The following NSUN6 variants were observed in gnomAD, a reference collection of about 807,000 sequenced individuals.
The protein encoded by NSUN6 is NOP2/Sun RNA methyltransferase 6, also known as tRNA (cytosine(72)-C(5))-methyltransferase NSUN6.
A neutral mutation model predicts 58.0 loss-of-function variants in NSUN6; 64 were observed. The observed-to-expected ratio is 1.10, with a 90% CI of 0.90 to 1.36. NSUN6 has a LOEUF of 1.36. Among genes scored for constraint, NSUN6 ranks in the 40% most tolerant of loss-of-function variants. The pLI, the probability that NSUN6 is intolerant of heterozygous loss-of-function variation, is 0.00. For synonymous variants in NSUN6, 231 were observed against 193.9 expected (o/e 1.19, Z -1.59); for missense variants, 701 against 550.1 (o/e 1.27, Z -2.74).
chr10:18,636,668 C>T (rs921098493), intron 3 of NSUN6, among the ~76,000 whole-genome samples: 3 of 151,542 alleles, frequency 2.0e-5, no homozygotes, highest in African/African-American at 7.3e-5. Context: ...TGGAGGCGGG[C>T]AGATCACAAG....
intron 6 of NSUN6, among the ~76,000 whole-genome samples, chr10:18,603,380 A>C (rs1349634313): frequency 6.6e-6 from 1 of 152,236 alleles, no homozygotes; most frequent in East Asian, 1.9e-4. Flanking sequence ...TAAGAAAGTA[A>C]ATAAGATCTC....
intron 3 of NSUN6, among the ~76,000 whole-genome samples, chr10:18,623,979 G>A (rs1163477185): frequency 6.6e-6 from 1 of 152,082 alleles, no homozygotes; most frequent in African/African-American, 2.4e-5. Flanking sequence ...GGATGTAACT[G>A]TTTCCATTCA....
At chr10:18,626,926 C>T (rs910890016) in intron 3 of NSUN6, among the ~76,000 whole-genome samples, 5 of 152,180 alleles carry the variant, frequency 3.3e-5, no homozygotes, top group African/African-American at 7.2e-5. Flanking sequence ...TATTTTAAGA[C>T]TTTTATCAAA....
chr10:18,568,556 T>C (rs2056132986), intron 8 of NSUN6, among the ~76,000 whole-genome samples: 1 of 150,912 alleles, frequency 6.6e-6, no homozygotes, highest in Non-Finnish European at 1.5e-5. Flanking sequence ...CAATCCATTC[T>C]CCTTTCCATT....
At position 18,551,937 on chromosome 10, in the gene NSUN6, T is replaced by G. The variant is rs146003622; in HGVS notation, c.957A>C (p.Arg319=). 1.2e-6 allele frequency: 2 copies of G among 1,608,642 alleles called. No homozygotes were observed. The highest frequency in any genetic ancestry group is 1.7e-6 in the Non-Finnish European group (2 of 1,175,638). The change falls in exon 9 of 11, where the codon CGA becomes CGC. Residue 319 remains arginine (R), a synonymous_variant. Coordinates refer to ENST00000377304, the MANE Select transcript of NSUN6 (RefSeq NM_182543.5). ...CACTACAGGGTGCATCCAGAAGAAT[T>G]CGGTCAAAGGATTCTGGTAGAAATG... ...EPPFLPESFD[R]ILLDAPCSGM... is the part of the protein sequence containing the mutation.
In NSUN6 at chr10:18,548,145, C is replaced by T. The variant is rs755410958; in HGVS notation, c.1164G>A (p.Leu388=). 1.2e-6 allele frequency: 2 copies of T among 1,613,856 alleles called. No homozygotes were observed. Among genetic ancestry groups the T allele is most frequent in the Non-Finnish European group, 8.5e-7 (1 of 1,179,892 alleles). Residue 388 remains leucine (L), a synonymous_variant, in exon 10 of 11, where the codon CTG becomes CTA. Transcript: ENST00000377304. ...AENEEQVAWA[L]TKFPCLQLQP... ...GAAGCTGAAGGCAAGGAAATTTTGTCAGGGCCCAGGCAACCTGTTCTTCAT... is the reference window on the plus strand; with the variant it reads ...GAAGCTGAAGGCAAGGAAATTTTGTTAGGGCCCAGGCAACCTGTTCTTCAT...
At chr10:18,654,073 A>G (rs2059750939), upstream of NSUN6, among the ~76,000 whole-genome samples, 1 of 152,262 alleles carries the variant, frequency 6.6e-6, no homozygotes, top group East Asian at 1.9e-4. Context: ...GGGGGATGAT[A>G]ATTTTAAAAG....
chr10:18,641,529 C>A (rs565339607), intron 3 of NSUN6, among the ~76,000 whole-genome samples: 1 of 152,060 alleles, frequency 6.6e-6, no homozygotes, highest in East Asian at 1.9e-4. Context: ...CCATACCCAG[C>A]TAATTTTTGT....
At chr10:18,653,257 G>A, upstream of NSUN6, 2 of 983,358 alleles carry the variant, frequency 2.0e-6, no homozygotes, top group Non-Finnish European at 2.4e-6. Context: ...CTTACTGAAT[G>A]ACTAAATGAA....
rs1355393642 is a variant in NSUN6, at chr10:18,545,644, A to G, written c.*289T>C. 1 of 236,300 alleles carries G rather than the reference A, an allele frequency of 4.2e-6. No homozygotes were observed. Among genetic ancestry groups the G allele is most frequent in the East Asian group, 1.1e-4 (1 of 9,380 alleles). 14.6% of individuals were successfully genotyped at this position (236,300 alleles called of 1,614,324 possible). ...ACTTGTACACTTTACAAATTAAAAC[A>G]TTAGATCACAAATGAAAATATGCTC... On this transcript the variant is annotated 3_prime_UTR_variant, in exon 11 of 11. Coordinates refer to ENST00000377304, the MANE Select transcript of NSUN6 (RefSeq NM_182543.5).
chr10:18,558,655 G>A (rs12569487), intron 8 of NSUN6, among the ~76,000 whole-genome samples: 49,525 of 145,734 alleles, frequency 0.34, 8,829 homozygotes, highest in East Asian at 0.72. Flanking sequence ...GGAAGGGAGA[G>A]TGGAAAGGAA....
intron 3 of NSUN6, among the ~76,000 whole-genome samples, chr10:18,625,860 A>G (rs6482567): frequency 0.79 from 120,196 of 151,806 alleles, 47,697 homozygotes; most frequent in East Asian, 0.98. Flanking sequence ...CGTACTGTTA[A>G]AAGGAAAAGT....
intron 8 of NSUN6, among the ~76,000 whole-genome samples, chr10:18,569,171 TTCCATTCCATTCCATTC>T (rs1480673114): frequency 5.4e-5 from 8 of 149,496 alleles, no homozygotes; most frequent in East Asian, 2.0e-4. Context: ...CCATTCTCTA[TTCCATTCCATTCCATTC>T]TCCATTCCAT....
At chr10:18,558,158 T>G (rs1355761600) in intron 8 of NSUN6, among the ~76,000 whole-genome samples, 1 of 147,380 alleles carries the variant, frequency 6.8e-6, no homozygotes, top group Middle Eastern at 4.1e-3. Flanking sequence ...GAATGAAGAA[T>G]GGAATGGAGA....
chr10:18,652,937 G>A (rs892441199), upstream of NSUN6: 19 of 984,486 alleles, frequency 1.9e-5, no homozygotes, highest in Non-Finnish European at 2.2e-5. Context: ...TAAAAAGCCA[G>A]GATAAAGACT....
chr10:18,578,299 T>C (rs1045987769), intron 8 of NSUN6, among the ~76,000 whole-genome samples: 42 of 144,922 alleles, frequency 2.9e-4, no homozygotes, highest in Non-Finnish European at 5.5e-4. Context: ...CGTGGCACCA[T>C]CTCGGCTCAC....
intron 4 of NSUN6, among the ~76,000 whole-genome samples, chr10:18,615,128 T>TATATATATATACACAC (rs562207637): frequency 1.6e-4 from 23 of 148,002 alleles, no homozygotes; most frequent in African/African-American, 4.7e-4. Context: ...TATATATATA[T>TATATATATATACACAC]ACACACACAT....
intron 2 of NSUN6, among the ~76,000 whole-genome samples, chr10:18,647,712 C>A (rs940424410): frequency 6.8e-6 from 1 of 146,002 alleles, no homozygotes; most frequent in African/African-American, 2.5e-5. Flanking sequence ...AAACATAAGG[C>A]GCTCAACACC....
intron 7 of NSUN6, among the ~76,000 whole-genome samples, chr10:18,587,742 C>T (rs975984670): frequency 3.3e-5 from 5 of 152,126 alleles, no homozygotes; most frequent in Admixed American, 2.6e-4. Flanking sequence ...ACTGTGCTAC[C>T]CAGGCTGGGT....
Sources: gnomAD v4.1 joint callset for allele counts (sites outside exome capture counted in the v4.1 genomes callset) on GRCh38, gnomAD v4.1.1 for gene constraint, MANE v1.5 for transcripts, NCBI Gene and HGNC (gene_info 2026-07-23, HGNC 2026-07-21) for gene names.